Variants in ZBTB7C observed in about 807,000 individuals in gnomAD.
ZBTB7C encodes the protein zinc finger and BTB domain-containing protein 7C.
Under a neutral mutation model 25.7 loss-of-function variants are expected in ZBTB7C, and 8 were observed. The ratio of observed to expected loss-of-function variants is 0.31; its 90% CI spans 0.18 to 0.56. The LOEUF (loss-of-function observed/expected upper bound fraction) is 0.56. Ranked by LOEUF, ZBTB7C falls within the 20% of genes least tolerant of loss-of-function variation. The pLI is 0.91. For missense variants in ZBTB7C, 824 were observed against 855.2 expected (o/e 0.96, Z 0.46); for synonymous variants, 394 against 369.0 (o/e 1.07, Z -0.78).
intron 2 of ZBTB7C, among the ~76,000 whole-genome samples, chr18:48,325,051 G>A (rs2046186779): frequency 6.6e-6 from 1 of 152,176 alleles, no homozygotes; most frequent in Non-Finnish European, 1.5e-5. Flanking sequence ...GCTCCCTTTG[G>A]CCACACTGAG....
chr18:48,384,025 A>G (rs1206930228), intron 1 of ZBTB7C, among the ~76,000 whole-genome samples: 2 of 152,232 alleles, frequency 1.3e-5, no homozygotes, highest in Admixed American at 6.5e-5. Context: ...CTCATGTGAA[A>G]TCAGGAGCCT....
chr18:48,347,613 A>G (rs2046772088), intron 1 of ZBTB7C, among the ~76,000 whole-genome samples: 1 of 152,024 alleles, frequency 6.6e-6, no homozygotes. Flanking sequence ...TTCACATGCT[A>G]TGGGGTGGGC....
At chr18:48,161,684 C>T (rs1369262749) in intron 3 of ZBTB7C, among the ~76,000 whole-genome samples, 5 of 151,420 alleles carry the variant, frequency 3.3e-5, no homozygotes, top group South Asian at 4.2e-4. Context: ...GCAGCGTTCA[C>T]TCGGCTGCCC....
intron 1 of ZBTB7C, among the ~76,000 whole-genome samples, chr18:48,408,190 C>G (rs530661026): frequency 6.6e-6 from 1 of 152,348 alleles, no homozygotes; most frequent in Admixed American, 6.5e-5. Context: ...AGGTTGGGTA[C>G]CAGCCTCCAC....
chr18:48,315,494 G>GCA (rs1339281875), intron 2 of ZBTB7C, among the ~76,000 whole-genome samples: 3 of 152,142 alleles, frequency 2.0e-5, no homozygotes, highest in African/African-American at 7.2e-5. Context: ...AGTGCAAAGG[G>GCA]CACTGGCCTG....
At chr18:48,320,761 C>T (rs1266084136) in intron 2 of ZBTB7C, among the ~76,000 whole-genome samples, 8 of 152,252 alleles carry the variant, frequency 5.3e-5, no homozygotes, top group Admixed American at 3.9e-4. Context: ...CTGGCAGCTG[C>T]GGCCCTGCTT....
intron 3 of ZBTB7C, among the ~76,000 whole-genome samples, chr18:48,129,174 G>A (rs576075490): frequency 5.3e-5 from 8 of 152,090 alleles, no homozygotes; most frequent in African/African-American, 1.4e-4. Context: ...GGGAAAAAAC[G>A]TGTGCTGCAA....
intron 3 of ZBTB7C, among the ~76,000 whole-genome samples, chr18:48,059,148 A>G (rs941943553): frequency 3.3e-5 from 5 of 151,116 alleles, no homozygotes; most frequent in African/African-American, 1.2e-4. Flanking sequence ...AACTAACTCA[A>G]CTCCTTTGGG....
At chr18:48,116,901 A>G (rs1027724657) in intron 3 of ZBTB7C, among the ~76,000 whole-genome samples, 11 of 152,180 alleles carry the variant, frequency 7.2e-5, no homozygotes, top group African/African-American at 2.7e-4. Flanking sequence ...TGCCCTGTGC[A>G]TAAGGGCATC....
chr18:48,401,182 T>C (rs998733622), intron 1 of ZBTB7C, among the ~76,000 whole-genome samples: 6 of 152,332 alleles, frequency 3.9e-5, no homozygotes, highest in Non-Finnish European at 7.4e-5. Context: ...TTCCCTGAGA[T>C]AGGGTAGTCG....
At chr18:48,190,743 G>C (rs867054390) in intron 2 of ZBTB7C, among the ~76,000 whole-genome samples, 2 of 152,196 alleles carry the variant, frequency 1.3e-5, no homozygotes, top group African/African-American at 4.8e-5. Context: ...GCCCTGAGCT[G>C]AGCACAGTGC....
intron 3 of ZBTB7C, among the ~76,000 whole-genome samples, chr18:48,131,691 C>T (rs1002533536): frequency 2.6e-5 from 4 of 152,136 alleles, no homozygotes; most frequent in African/African-American, 7.2e-5. Flanking sequence ...AGAGGGAAAG[C>T]TCAGTATAGA....
At chr18:48,089,048 T>TTAC (rs1375531690) in intron 3 of ZBTB7C, among the ~76,000 whole-genome samples, 2 of 152,112 alleles carry the variant, frequency 1.3e-5, no homozygotes, top group African/African-American at 4.8e-5. Flanking sequence ...TGAGCCCGGT[T>TTAC]TACTGATCAC....
At chr18:48,339,477 G>A (rs1262445300) in intron 1 of ZBTB7C, among the ~76,000 whole-genome samples, 1 of 152,260 alleles carries the variant, frequency 6.6e-6, no homozygotes, top group East Asian at 1.9e-4. Context: ...GATCCATTTA[G>A]TTTCTCAGTA....
intron 3 of ZBTB7C, among the ~76,000 whole-genome samples, chr18:48,110,829 G>A (rs1271224808): frequency 1.3e-5 from 2 of 152,210 alleles, no homozygotes; most frequent in African/African-American, 2.4e-5. Context: ...TTCAGGATGA[G>A]GCGGTGACTG....
At chr18:48,161,253 C>T (rs1438768730) in intron 3 of ZBTB7C, among the ~76,000 whole-genome samples, 1 of 151,964 alleles carries the variant, frequency 6.6e-6, no homozygotes, top group Non-Finnish European at 1.5e-5. Flanking sequence ...AGAGAAAGAG[C>T]ACGTGCAAGA....
intron 3 of ZBTB7C, among the ~76,000 whole-genome samples, chr18:48,109,883 A>G (rs964305079): frequency 2.0e-5 from 3 of 152,294 alleles, no homozygotes; most frequent in South Asian, 2.1e-4. Flanking sequence ...CCTCCCCCCA[A>G]ACACTTCTCT....
intron 3 of ZBTB7C, among the ~76,000 whole-genome samples, chr18:48,179,674 TCC>T (rs1568282128): frequency 6.4e-5 from 1 of 15,528 alleles, no homozygotes; most frequent in Non-Finnish European, 2.2e-4. Context: ...TATTTCTCTC[TCC>T]TTCCTTCCTT....
At chr18:48,144,068 A>G (rs1160977535) in intron 3 of ZBTB7C, among the ~76,000 whole-genome samples, 1 of 152,134 alleles carries the variant, frequency 6.6e-6, no homozygotes, top group East Asian at 1.9e-4. Context: ...ACTTCAGGTC[A>G]GGAGTTCGAG....
Sources: allele counts gnomAD v4.1 joint callset (sites outside exome capture counted in the v4.1 genomes callset), GRCh38; gene constraint gnomAD v4.1.1; transcripts MANE v1.5; gene names NCBI Gene and HGNC (gene_info 2026-07-23, HGNC 2026-07-21).